PDGFC: variants seen among roughly 807,000 people sequenced by gnomAD.
The protein encoded by PDGFC is platelet derived growth factor C, also known as platelet-derived growth factor C.
A neutral mutation model predicts 35.5 loss-of-function variants in PDGFC; 12 were observed. The observed-to-expected ratio is 0.34, with a 90% CI of 0.22 to 0.55. The LOEUF is 0.55. Among genes scored for constraint, PDGFC ranks in the 20% least tolerant of loss-of-function variants. The probability of loss-of-function intolerance (pLI) is 0.91; values close to 1 mark genes in which losing one functional copy is unlikely to be tolerated. For synonymous variants in PDGFC, 159 were observed against 148.8 expected, an observed-to-expected ratio of 1.07 and a Z score of -0.50; for missense variants, 322 against 412.4, an observed-to-expected ratio of 0.78 and a Z score of 1.90.
chr4:156,766,439 C>T (rs1419904717), intron 5 of PDGFC, among the ~76,000 whole-genome samples: 1 of 152,034 alleles, frequency 6.6e-6, no homozygotes, highest in East Asian at 1.9e-4. Flanking sequence ...GCTTCAGTAT[C>T]TTTTAGTTTT....
intron 2 of PDGFC, among the ~76,000 whole-genome samples, chr4:156,814,316 T>A (rs1471404126): frequency 6.6e-6 from 1 of 152,010 alleles, no homozygotes; most frequent in Non-Finnish European, 1.5e-5. Flanking sequence ...ATAGAAAAGA[T>A]CCTTTAACAA....
At chr4:156,814,564 G>T (rs1277182195) in intron 2 of PDGFC, among the ~76,000 whole-genome samples, 1 of 152,002 alleles carries the variant, frequency 6.6e-6, no homozygotes, top group African/African-American at 2.4e-5. Flanking sequence ...ATTTTCTTGA[G>T]ACCATTTTTC....
chr4:156,895,302 A>G (rs1730604694), intron 1 of PDGFC, among the ~76,000 whole-genome samples: 1 of 152,204 alleles, frequency 6.6e-6, no homozygotes, highest in Admixed American at 6.5e-5. Context: ...AAATTTAAAT[A>G]CTTTTATATA....
intron 2 of PDGFC, among the ~76,000 whole-genome samples, chr4:156,848,414 C>T (rs1729375879): frequency 6.6e-6 from 1 of 151,854 alleles, no homozygotes; most frequent in African/African-American, 2.4e-5. Flanking sequence ...GTCAGAAAGT[C>T]TCAAAGTTTT....
At chr4:156,788,123 A>C (rs148922972) in intron 3 of PDGFC, among the ~76,000 whole-genome samples, 17 of 152,306 alleles carry the variant, frequency 1.1e-4, no homozygotes, top group Admixed American at 2.0e-4. Flanking sequence ...GAGCGTTCTT[A>C]AATCAAGTGT....
chr4:156,832,480 C>T (rs1371155103), intron 2 of PDGFC, among the ~76,000 whole-genome samples: 1 of 152,154 alleles, frequency 6.6e-6, no homozygotes, highest in South Asian at 2.1e-4. Context: ...TGGCCTCGAA[C>T]TCCTGACCTC....
chr4:156,800,711 T>G (rs1279778561), intron 3 of PDGFC, among the ~76,000 whole-genome samples: 1 of 152,170 alleles, frequency 6.6e-6, no homozygotes, highest in Non-Finnish European at 1.5e-5. Flanking sequence ...ATAACAGAGT[T>G]CAAGACATGC....
intron 1 of PDGFC, among the ~76,000 whole-genome samples, chr4:156,941,416 A>G (rs1433373338): frequency 6.6e-6 from 1 of 152,134 alleles, no homozygotes; most frequent in Non-Finnish European, 1.5e-5. Context: ...CACAAACTTT[A>G]TTCTGTAATT....
chr4:156,860,356 T>C (rs952492854), intron 1 of PDGFC, among the ~76,000 whole-genome samples: 4 of 152,130 alleles, frequency 2.6e-5, no homozygotes, highest in African/African-American at 4.8e-5. Flanking sequence ...ACCCAGCAAA[T>C]GGACCGGCTG....
intron 1 of PDGFC, among the ~76,000 whole-genome samples, chr4:156,861,136 T>A (rs1322405709): frequency 6.6e-6 from 1 of 152,044 alleles, no homozygotes; most frequent in African/African-American, 2.4e-5. Flanking sequence ...TGTAGACATT[T>A]TTGCGGTTTA....
chr4:156,849,629 T>C (rs1729405634), intron 2 of PDGFC, among the ~76,000 whole-genome samples: 1 of 152,060 alleles, frequency 6.6e-6, no homozygotes, highest in Non-Finnish European at 1.5e-5. Context: ...CTGACTTTGG[T>C]TCATGAATGC....
At position 156,968,019 on chromosome 4, in the gene PDGFC, C is replaced by T. The variant is rs190207031; in HGVS notation, c.118+2767G>A. On this transcript the variant is annotated intron_variant, in intron 1 of 5. Coordinates refer to ENST00000502773, the MANE Select transcript of PDGFC (RefSeq NM_016205.3). The stretch of plus-strand genomic sequence containing the variant: ...CCAATGGTAGGTCAAAAACCAGATA[C>T]CTAACAATAGTGTAAATGACACTAA... Among the ~76,000 whole-genome samples the T allele has an allele frequency of 2.6e-3, 403 of 152,264 alleles. 3 individuals are homozygous for T. The highest frequency in any genetic ancestry group is 9.3e-3 in the African/African-American group (386 of 41,554).
chr4:156,868,099 G>A (rs1414349737), intron 1 of PDGFC, among the ~76,000 whole-genome samples: 1 of 152,072 alleles, frequency 6.6e-6, no homozygotes, highest in African/African-American at 2.4e-5. Flanking sequence ...ACAAGTGTGA[G>A]CCACCGCACC....
In PDGFC at chr4:156,818,724, G is replaced by A. The variant is rs1488430436; in HGVS notation, c.315-7707C>T. The stretch of plus-strand genomic sequence containing the variant: ...TCACTGTGTTAGCCAGGATGGTCTC[G>A]ATCTCCTGACCTCGTGATCCGCCCG... On this transcript the variant is annotated intron_variant, in intron 2 of 5. Coordinates refer to ENST00000502773, the MANE Select transcript of PDGFC (RefSeq NM_016205.3). 2.0e-5 allele frequency among the ~76,000 whole-genome samples: 3 copies of A among 151,938 alleles called. No homozygotes were observed. In the East Asian group the frequency reaches 5.8e-4, roughly 30 times the overall value.
chr4:156,881,179 C>T (rs1730231933), intron 1 of PDGFC, among the ~76,000 whole-genome samples: 3 of 152,144 alleles, frequency 2.0e-5, no homozygotes. Context: ...CCACTTTGAA[C>T]AGTCAGCAGC....
chr4:156,880,060 A>T (rs1490028137), intron 1 of PDGFC, among the ~76,000 whole-genome samples: 2 of 152,198 alleles, frequency 1.3e-5, no homozygotes, highest in East Asian at 3.9e-4. Context: ...AAAAGGACAA[A>T]GTGAAGCTGT....
intron 1 of PDGFC, among the ~76,000 whole-genome samples, chr4:156,867,078 T>A (rs1237117966): frequency 6.6e-6 from 1 of 152,196 alleles, no homozygotes; most frequent in Non-Finnish European, 1.5e-5. Flanking sequence ...AAGTAGAGTA[T>A]AATAGGCATC....
At chr4:156,895,796 A>G (rs1730621025) in intron 1 of PDGFC, among the ~76,000 whole-genome samples, 1 of 152,204 alleles carries the variant, frequency 6.6e-6, no homozygotes, top group South Asian at 2.1e-4. Context: ...GACACGGGTC[A>G]CACAGGAAAA....
intron 1 of PDGFC, among the ~76,000 whole-genome samples, chr4:156,865,947 C>CT (rs562759031): frequency 5.9e-5 from 9 of 151,938 alleles, no homozygotes; most frequent in Non-Finnish European, 1.3e-4. Context: ...TTTTCCTCTA[C>CT]TTTTTTTTAA....
Sources: gnomAD v4.1 joint callset for allele counts (sites outside exome capture counted in the v4.1 genomes callset) on GRCh38, gnomAD v4.1.1 for gene constraint, MANE v1.5 for transcripts, NCBI Gene and HGNC (gene_info 2026-07-23, HGNC 2026-07-21) for gene names.